Variants in B3GALT1 observed in about 807,000 individuals in gnomAD.
B3GALT1 encodes the protein beta-1,3-galactosyltransferase 1, also known as UDP-Gal:betaGlcNAc beta 1,3-galactosyltransferase, polypeptide 1.
A neutral mutation model predicts 23.2 loss-of-function variants in B3GALT1; 10 were observed. The ratio of observed to expected loss-of-function variants is 0.43; its 90% confidence interval spans 0.27 to 0.73. B3GALT1 has a LOEUF of 0.73. Among genes scored for constraint, B3GALT1 ranks in the 30% least tolerant of loss-of-function variants. B3GALT1 has a pLI of 0.21. For synonymous variants in B3GALT1, 156 were observed against 141.5 expected (o/e 1.10, Z -0.73); for missense variants, 299 against 405.4 (o/e 0.74, Z 2.25).
chr2:167,565,837 A>G (rs1684152399), intron 2 of B3GALT1, among the ~76,000 whole-genome samples: 1 of 151,912 alleles, frequency 6.6e-6, no homozygotes, highest in African/African-American at 2.4e-5. Context: ...CATTCATTAA[A>G]AAGTCAGGAA....
chr2:167,424,195 TGAAAG>T (rs1698589982), intron 1 of B3GALT1, among the ~76,000 whole-genome samples: 1 of 152,122 alleles, frequency 6.6e-6, no homozygotes, highest in Non-Finnish European at 1.5e-5. Flanking sequence ...GAAAGGCTCT[TGAAAG>T]GAACCAAAGA....
chr2:167,817,357 C>T (rs914206123), intron 3 of B3GALT1, among the ~76,000 whole-genome samples: 4 of 152,160 alleles, frequency 2.6e-5, no homozygotes, highest in Non-Finnish European at 4.4e-5. Context: ...TACTAGCTAA[C>T]GTTGATGACT....
In B3GALT1 at chr2:167,538,535, A is replaced by G. The variant is rs555086223; in HGVS notation, c.-410+48258A>G. On this transcript the variant is annotated intron_variant, in intron 2 of 4. Transcript: ENST00000392690. The stretch of plus-strand genomic sequence containing the variant: ...TATTGTTTCACCTTTTTGCTTCTGT[A>G]TAATATACCTGACCTCTGTAGACTT... Among the ~76,000 whole-genome samples the G allele has an allele frequency of 1.1e-3, 168 of 152,296 alleles. 1 individual carries two copies. Among genetic ancestry groups the G allele is most frequent in the African/African-American group, 3.8e-3 (158 of 41,564 alleles).
intron 1 of B3GALT1, among the ~76,000 whole-genome samples, chr2:167,440,818 A>G (rs1463528984): frequency 1.3e-5 from 2 of 151,872 alleles, no homozygotes; most frequent in African/African-American, 2.4e-5. Context: ...GTGTTCTAAG[A>G]TAATTTCTTG....
chr2:167,801,466 G>C (rs1413494482), intron 3 of B3GALT1, among the ~76,000 whole-genome samples: 1 of 152,124 alleles, frequency 6.6e-6, no homozygotes, highest in East Asian at 1.9e-4. Context: ...GTCAAAGACC[G>C]GTCTCATTCA....
intron 3 of B3GALT1, among the ~76,000 whole-genome samples, chr2:167,766,607 T>A (rs1687980527): frequency 6.6e-6 from 1 of 152,166 alleles, no homozygotes; most frequent in South Asian, 2.1e-4. Context: ...ATAGACTTTT[T>A]AAGATTGGGA....
chr2:167,354,995 C>T (rs1444547370), intron 1 of B3GALT1, among the ~76,000 whole-genome samples: 1 of 152,220 alleles, frequency 6.6e-6, no homozygotes, highest in Non-Finnish European at 1.5e-5. Context: ...TTATCTTCCT[C>T]TTCCTCAAAT....
At chr2:167,316,753 G>A (rs1035589340) in intron 1 of B3GALT1, among the ~76,000 whole-genome samples, 3 of 152,082 alleles carry the variant, frequency 2.0e-5, no homozygotes, top group Admixed American at 6.6e-5. Context: ...ACACACACTT[G>A]ATTGGCTTCC....
At chr2:167,455,273 T>C (rs1379137359) in intron 1 of B3GALT1, among the ~76,000 whole-genome samples, 1 of 152,216 alleles carries the variant, frequency 6.6e-6, no homozygotes, top group African/African-American at 2.4e-5. Context: ...GATTAGCTTT[T>C]AGTGTTTTCC....
intron 3 of B3GALT1, among the ~76,000 whole-genome samples, chr2:167,731,858 T>A (rs1687415604): frequency 6.6e-6 from 1 of 152,122 alleles, no homozygotes; most frequent in Admixed American, 6.6e-5. Flanking sequence ...GAGATTTGTT[T>A]CCAGACCCCT....
intron 1 of B3GALT1, among the ~76,000 whole-genome samples, chr2:167,359,837 A>G (rs1263036568): frequency 1.3e-5 from 2 of 151,988 alleles, no homozygotes; most frequent in African/African-American, 4.8e-5. Flanking sequence ...AAGAAAAACA[A>G]CCCCTACCAC....
At chr2:167,760,488 A>G (rs1471145422) in intron 3 of B3GALT1, among the ~76,000 whole-genome samples, 1 of 152,214 alleles carries the variant, frequency 6.6e-6, no homozygotes, top group East Asian at 1.9e-4. Context: ...CACTACCTGC[A>G]ACATACTGAG....
chr2:167,795,700 T>G (rs1688536167), intron 3 of B3GALT1, among the ~76,000 whole-genome samples: 1 of 152,126 alleles, frequency 6.6e-6, no homozygotes, highest in Non-Finnish European at 1.5e-5. Context: ...GTTTTCTCAT[T>G]TTTCACAGGA....
In B3GALT1 at chr2:167,872,803, A is replaced by T. The variant is rs377732310; in HGVS notation, c.*2783A>T. On this transcript the variant is annotated 3_prime_UTR_variant, in exon 5 of 5. Coordinates refer to ENST00000392690, the MANE Select transcript of B3GALT1 (RefSeq NM_020981.4). The stretch of plus-strand genomic sequence containing the variant: ...TAATGCCCATGTGACAAACATGTAA[A>T]TATTCATCAAAGACCACATGTATAT... 4 of 152,270 alleles carry T rather than the reference A, an allele frequency of 2.6e-5. No individual in the cohort carries two copies. The highest frequency in any genetic ancestry group is 6.5e-5 in the Admixed American group (1 of 15,290). The allele number at this position is 152,270 out of a possible 1,614,324, so 9.4% of individuals were successfully genotyped here. A position where few individuals can be genotyped will look rare whatever the true frequency, so the allele number is the denominator to read the frequency against.
intron 1 of B3GALT1, among the ~76,000 whole-genome samples, chr2:167,368,496 A>T (rs1405548806): frequency 6.6e-6 from 1 of 152,180 alleles, no homozygotes; most frequent in Admixed American, 6.5e-5. Flanking sequence ...CAGAAGTAAC[A>T]AAGACTGCTA....
intron 1 of B3GALT1, among the ~76,000 whole-genome samples, chr2:167,484,609 A>G (rs1699599717): frequency 6.6e-6 from 1 of 152,224 alleles, no homozygotes; most frequent in African/African-American, 2.4e-5. Context: ...AAGACCTGGA[A>G]TCAATAGAAA....
At chr2:167,388,566 G>T (rs1055827339) in intron 1 of B3GALT1, among the ~76,000 whole-genome samples, 2 of 152,060 alleles carry the variant, frequency 1.3e-5, no homozygotes, top group East Asian at 1.9e-4. Flanking sequence ...GTAAATATTC[G>T]TCCAAGTAAC....
At chr2:167,542,194 TAGAA>T (rs1262696238) in intron 2 of B3GALT1, among the ~76,000 whole-genome samples, 4 of 152,160 alleles carry the variant, frequency 2.6e-5, no homozygotes, top group East Asian at 3.8e-4. Flanking sequence ...TTCTGCCTGA[TAGAA>T]AGGAAAGGAC....
chr2:167,767,629 G>A (rs905971791), intron 3 of B3GALT1, among the ~76,000 whole-genome samples: 2 of 152,152 alleles, frequency 1.3e-5, no homozygotes, highest in Non-Finnish European at 2.9e-5. Flanking sequence ...CATGGGCAAT[G>A]TGAAGACACC....
Sources: gnomAD v4.1 joint callset for allele counts (sites outside exome capture counted in the v4.1 genomes callset) on GRCh38, gnomAD v4.1.1 for gene constraint, MANE v1.5 for transcripts, NCBI Gene and HGNC (gene_info 2026-07-23, HGNC 2026-07-21) for gene names.